The following AKAP8 variants were observed in gnomAD, a reference collection of about 807,000 sequenced individuals.
AKAP8 encodes A-kinase anchoring protein 8.
AKAP8 carries 24 observed loss-of-function variants against 67.5 expected under a neutral mutation model. The observed-to-expected ratio is 0.36, with a 90% CI of 0.26 to 0.50. The LOEUF (loss-of-function observed/expected upper bound fraction) is 0.50, where lower values mean the gene tolerates loss of function less well. AKAP8 is among the 20% of genes least tolerant of loss of function. AKAP8 has a pLI of 0.97. For synonymous variants in AKAP8, 400 were observed against 371.1 expected (o/e 1.08, Z -0.90); for missense variants, 971 against 955.9 (o/e 1.02, Z -0.21).
In AKAP8 at chr19:15,354,602, C is replaced by T; in HGVS notation, c.*313G>A. On this transcript the variant is annotated 3_prime_UTR_variant, in exon 14 of 14. Transcript: ENST00000269701. ...AAAAAAGGAAGCATTCCATCAGTGG[C>T]TGTATTGAACAAGTAATGTATCATC... 1 of 325,246 alleles carries T rather than the reference C, an allele frequency of 3.1e-6. No homozygotes were observed. The highest frequency in any genetic ancestry group is 8.1e-5 in the South Asian group (1 of 12,368). 20.1% of individuals were successfully genotyped at this position (325,246 alleles called of 1,614,324 possible).
At chr19:15,364,806 A>G (rs1171807085) in intron 9 of AKAP8, among the ~76,000 whole-genome samples, 1 of 151,868 alleles carries the variant, frequency 6.6e-6, no homozygotes, top group African/African-American at 2.4e-5. Flanking sequence ...TTTTCTCGAG[A>G]TGAGATTTCA....
Position 15,355,059 on chromosome 19 carries a change from C to G in AKAP8, c.1935G>C (p.Glu645Asp). The G allele has an allele frequency of 2.5e-6, 4 of 1,614,132 alleles. No homozygotes were observed. The highest frequency in any genetic ancestry group is 3.4e-6 in the Non-Finnish European group (4 of 1,180,046). ...CGGCGCCATTTCCAGCCTCTGCAGC[C>G]TCACTTCTGGCCTTGGGGACGCCCT... ...HEKGVPKARS[E>D]AAEAGNGAET... The change falls in exon 14 of 14, where the codon GAG (glutamate) becomes GAC (aspartate). Residue 645 changes from glutamate (E) to aspartate (D), a missense_variant. Transcript: ENST00000269701.
intron 13 of AKAP8, among the ~76,000 whole-genome samples, chr19:15,357,511 G>A (rs939927137): frequency 2.6e-5 from 4 of 150,984 alleles, no homozygotes; most frequent in Non-Finnish European, 4.4e-5. Flanking sequence ...GGCAGGCTGA[G>A]TGGGGAGGAT....
chr19:15,362,030 G>C, intron 10 of AKAP8, 80 bp downstream of exon 10: 3 of 1,565,072 alleles, frequency 1.9e-6, no homozygotes, highest in Non-Finnish European at 2.6e-6. Flanking sequence ...TATAGCCTCT[G>C]ATTTCCCTTC....
chr19:15,363,355 G>GA (rs1376182664), intron 9 of AKAP8, among the ~76,000 whole-genome samples: 3 of 130,484 alleles, frequency 2.3e-5, no homozygotes, highest in South Asian at 2.4e-4. Flanking sequence ...GAGGGAGGTG[G>GA]GGGGGGGTCA....
At chr19:15,371,253 G>C (rs1435650479) in intron 7 of AKAP8, among the ~76,000 whole-genome samples, 1 of 152,132 alleles carries the variant, frequency 6.6e-6, no homozygotes, top group Non-Finnish European at 1.5e-5. Flanking sequence ...ACCTCCCCAA[G>C]AGCTTGGGGT....
intron 7 of AKAP8, 140 bp from the exon 8 acceptor site, chr19:15,370,319 G>T: frequency 3.3e-6 from 3 of 912,690 alleles, no homozygotes; most frequent in Non-Finnish European, 5.2e-6. Flanking sequence ...GAGCCACAGT[G>T]TGTTAGGACC....
intron 9 of AKAP8, among the ~76,000 whole-genome samples, chr19:15,363,502 CCCGGCCAGCCGCACCGT>C (rs1398589122): frequency 2.1e-5 from 3 of 141,010 alleles, no homozygotes; most frequent in Non-Finnish European, 4.6e-5. Flanking sequence ...CAGCCCCCCG[CCCGGCCAGCCGCACCGT>C]CCGGGAGGGA....
At chr19:15,355,700 G>C (rs112003919) in intron 13 of AKAP8, among the ~76,000 whole-genome samples, 6,114 of 151,752 alleles carry the variant, frequency 0.04, 406 homozygotes, top group African/African-American at 0.14. Flanking sequence ...CCAAAGCGCT[G>C]CGATTACAGG....
chr19:15,362,512 C>T (rs1296227056), intron 9 of AKAP8, among the ~76,000 whole-genome samples: 1 of 152,208 alleles, frequency 6.6e-6, no homozygotes, highest in East Asian at 1.9e-4. Context: ...CGCGCGCCGC[C>T]ACGCCTGACT....
chr19:15,353,435 A>G lies in AKAP8; in HGVS notation c.*1480T>C, dbSNP rs1294729394. The G allele has an allele frequency of 6.6e-6, 1 of 150,766 alleles. No individual in the cohort carries two copies. The highest frequency in any genetic ancestry group is 1.5e-5 in the Non-Finnish European group (1 of 67,850). 9.3% of individuals were successfully genotyped at this position (150,766 alleles called of 1,614,324 possible). A position where few individuals can be genotyped will look rare whatever the true frequency, so the allele number is the denominator to read the frequency against. On this transcript the variant is annotated 3_prime_UTR_variant, in exon 14 of 14. Transcript: ENST00000269701. ...ACCGACATTTTTGCCTTAAGAGAACAAGCTTAAAAGGCATGCTCACCCTGC... is the reference window on the plus strand; with the variant it reads ...ACCGACATTTTTGCCTTAAGAGAACGAGCTTAAAAGGCATGCTCACCCTGC...
chr19:15,362,019 G>A (rs1966974832), intron 10 of AKAP8, 91 bp downstream of exon 10: 1 of 1,543,270 alleles, frequency 6.5e-7, no homozygotes, highest in Middle Eastern at 1.7e-4. Context: ...CCTTGGCCAA[G>A]TATAGCCTCT....
intron 12 of AKAP8, among the ~76,000 whole-genome samples, chr19:15,360,408 G>A (rs557998911): frequency 6.6e-6 from 1 of 152,318 alleles, no homozygotes; most frequent in South Asian, 2.1e-4. Context: ...AAATACTCAT[G>A]ATCTGACTCT....
intron 9 of AKAP8, among the ~76,000 whole-genome samples, 186 bp from the exon 10 acceptor site, chr19:15,362,437 C>T (rs1270217161): frequency 1.0e-4 from 8 of 80,322 alleles, no homozygotes; most frequent in African/African-American, 2.5e-4. Context: ...GCTGCCATCT[C>T]GGCTCACTGC....
At position 15,373,298 on chromosome 19, in the gene AKAP8, G is replaced by C; in HGVS notation, c.414C>G (p.Pro138=). The C allele has an allele frequency of 6.2e-7, 1 of 1,613,410 alleles. No homozygotes were observed. Residue 138 remains proline, a synonymous_variant, in exon 5 of 14, where the codon CCC becomes CCG. Coordinates refer to ENST00000269701, the MANE Select transcript of AKAP8 (RefSeq NM_005858.4). ...GGTAGGGGTTGTGCTCCGGCAGGCAGGGCCTGGAGTCATAGGACTCGAACG... is the reference window on the plus strand; with the variant it reads ...GGTAGGGGTTGTGCTCCGGCAGGCACGGCCTGGAGTCATAGGACTCGAACG... The part of the protein sequence containing the change: ...FQPFESYDSR[P]CLPEHNPYRP...
chr19:15,372,823 G>A lies in AKAP8; in HGVS notation c.861+28C>T, dbSNP rs564017436. The A allele has an allele frequency of 2.4e-5, 35 of 1,479,890 alleles. 1 individual carries two copies. In the South Asian group the frequency reaches 2.8e-4, roughly 12 times the overall value. The allele number at this position is 1,479,890 out of a possible 1,614,324, so 91.7% of individuals were successfully genotyped here. A position where few individuals can be genotyped will look rare whatever the true frequency, so the allele number is the denominator to read the frequency against. Reference sequence around the variant, plus strand: ...AGCTGCTAAAAAGAGAAGCGAAGGCGGCCGGAAGGAACCTTGCGAGGGCTT... The same window carrying A: ...AGCTGCTAAAAAGAGAAGCGAAGGCAGCCGGAAGGAACCTTGCGAGGGCTT... On this transcript the variant is annotated intron_variant, in intron 5 of 13. Transcript: ENST00000269701.
intron 10 of AKAP8, 49 bp from the exon 11 acceptor site, chr19:15,361,871 G>T: frequency 6.5e-7 from 1 of 1,549,848 alleles, no homozygotes; most frequent in Non-Finnish European, 8.9e-7. Context: ...GTGGGCGCAT[G>T]TGGGCATTTC....
intron 9 of AKAP8, among the ~76,000 whole-genome samples, chr19:15,365,108 G>A (rs146111525): frequency 5.9e-5 from 9 of 152,354 alleles, no homozygotes; most frequent in African/African-American, 2.2e-4. Context: ...CCAGAAAGCT[G>A]CAACTGCTTG....
chr19:15,367,834 C>T (rs1414364151), intron 9 of AKAP8, among the ~76,000 whole-genome samples: 3 of 152,220 alleles, frequency 2.0e-5, no homozygotes, highest in Non-Finnish European at 4.4e-5. Flanking sequence ...TCTGAGATGC[C>T]AGACACCAGG....
Sources: gnomAD v4.1 joint callset for allele counts (sites outside exome capture counted in the v4.1 genomes callset) on GRCh38, gnomAD v4.1.1 for gene constraint, MANE v1.5 for transcripts, NCBI Gene and HGNC (gene_info 2026-07-23, HGNC 2026-07-21) for gene names.